HNRNPUL1: variants seen among roughly 807,000 people sequenced by gnomAD.
HNRNPUL1 encodes heterogeneous nuclear ribonucleoprotein U like 1.
Under a neutral mutation model 108.5 loss-of-function variants are expected in HNRNPUL1, and 14 were observed. The observed-to-expected ratio is 0.13, with a 90% CI of 0.09 to 0.20. HNRNPUL1 has a LOEUF of 0.20. Among genes scored for constraint, HNRNPUL1 ranks in the 10% least tolerant of loss-of-function variants. HNRNPUL1 has a pLI of 1.00. For synonymous variants in HNRNPUL1, 422 were observed against 445.2 expected (o/e 0.95, Z 0.66); for missense variants, 804 against 1,168.3 (o/e 0.69, Z 4.55).
At chr19:41,286,034 C>G (rs2036202594) in intron 7 of HNRNPUL1, among the ~76,000 whole-genome samples, 1 of 151,826 alleles carries the variant, frequency 6.6e-6, no homozygotes, top group Admixed American at 6.6e-5. Context: ...TTAGCTGGGC[C>G]TGGTGGCACA....
chr19:41,266,541 C>T (rs1053181493), intron 1 of HNRNPUL1, among the ~76,000 whole-genome samples: 2 of 152,096 alleles, frequency 1.3e-5, no homozygotes, highest in African/African-American at 2.4e-5. Flanking sequence ...GATCTCACCT[C>T]GGCCTCCTGA....
In HNRNPUL1 at chr19:41,264,396, A is replaced by C. The variant is rs1843998759; in HGVS notation, c.-108A>C. ...CATTTTGAGCCGCTGCCGCCATTGG[A>C]GTGGGCCCCCCCCCTTTCCCCCTTC... On this transcript the variant is annotated 5_prime_UTR_variant, in exon 1 of 15. Coordinates refer to ENST00000392006, the MANE Select transcript of HNRNPUL1 (RefSeq NM_007040.6). 6 of 968,354 alleles carry C rather than the reference A, an allele frequency of 6.2e-6. No homozygotes were observed. The highest frequency in any genetic ancestry group is 8.2e-6 in the Non-Finnish European group (6 of 734,146). The allele number at this position is 968,354 out of a possible 1,614,324, so 60.0% of individuals were successfully genotyped here.
chr19:41,280,048 A>G (rs549094130), intron 6 of HNRNPUL1, among the ~76,000 whole-genome samples: 62 of 152,304 alleles, frequency 4.1e-4, no homozygotes, highest in Non-Finnish European at 6.9e-4. Flanking sequence ...ACTTATTGCA[A>G]ATTTTTGCTG....
chr19:41,301,610 T>C lies in HNRNPUL1; in HGVS notation c.1593T>C (p.Ile531=). 6.2e-7 allele frequency: 1 copy of C among 1,614,188 alleles called. No individual in the cohort carries two copies. Among genetic ancestry groups the C allele is most frequent in the Non-Finnish European group, 8.5e-7 (1 of 1,180,030 alleles). ...FEGFQRKAIV[I]CPTDEDLKDR... ...GCTTCCAGCGCAAAGCTATTGTAAT[T>C]TGTCCCACTGACGAGGACCTAAAAG... Residue 531 remains isoleucine, a synonymous_variant, in exon 11 of 15, where the codon ATT becomes ATC. Transcript: ENST00000392006.
intron 3 of HNRNPUL1, 37 bp downstream of exon 3, chr19:41,272,272 A>G (rs2122510717): frequency 6.2e-7 from 1 of 1,602,246 alleles, no homozygotes; most frequent in East Asian, 2.2e-5. Context: ...TTGCTCTGGT[A>G]GGTTTCTATA....
intron 1 of HNRNPUL1, chr19:41,265,240 A>G: frequency 6.7e-7 from 1 of 1,496,564 alleles, no homozygotes; most frequent in Non-Finnish European, 8.9e-7. Context: ...CCGTGTTTCC[A>G]GGGTGGGGAA....
chr19:41,286,811 G>A (rs905245522), intron 7 of HNRNPUL1: 2 of 140,760 alleles, frequency 1.4e-5, no homozygotes, highest in African/African-American at 5.4e-5. Flanking sequence ...CCGCCTCCCC[G>A]GGTTCAAACG....
upstream of HNRNPUL1, among the ~76,000 whole-genome samples, chr19:41,264,158 G>A (rs1180455356): frequency 6.6e-6 from 1 of 152,258 alleles, no homozygotes; most frequent in Non-Finnish European, 1.5e-5. Flanking sequence ...TCCGCCTCCT[G>A]CCTTTTCCCG....
chr19:41,269,058 ATG>A (rs2035043602), intron 2 of HNRNPUL1, among the ~76,000 whole-genome samples: 1 of 152,082 alleles, frequency 6.6e-6, no homozygotes, highest in Non-Finnish European at 1.5e-5. Context: ...CCTTAGCCAA[ATG>A]TGTCTGGAAA....
At chr19:41,304,583 C>G (rs572347877) in intron 13 of HNRNPUL1, among the ~76,000 whole-genome samples, 38 of 152,358 alleles carry the variant, frequency 2.5e-4, no homozygotes, top group African/African-American at 8.9e-4. Context: ...ACTAACCTCA[C>G]TAAATCCCCA....
At chr19:41,278,225 A>G (rs1479839495) in intron 5 of HNRNPUL1, 4 of 151,788 alleles carry the variant, frequency 2.6e-5, no homozygotes, top group Middle Eastern at 3.4e-3. Flanking sequence ...ACGCATGCCT[A>G]ATTTTTTGTA....
chr19:41,281,565 C>T (rs1362692821), intron 7 of HNRNPUL1, among the ~76,000 whole-genome samples: 2 of 152,060 alleles, frequency 1.3e-5, no homozygotes, highest in Non-Finnish European at 2.9e-5. Context: ...ATTTTCTAAA[C>T]AAACCTAGGA....
At chr19:41,303,178 A>G (rs895522133) in intron 12 of HNRNPUL1, among the ~76,000 whole-genome samples, 1 of 152,238 alleles carries the variant, frequency 6.6e-6, no homozygotes, top group Non-Finnish European at 1.5e-5. Flanking sequence ...CACAGTGCAC[A>G]TTCTGTCACA....
intron 2 of HNRNPUL1, among the ~76,000 whole-genome samples, chr19:41,270,418 T>G (rs575234412): frequency 5.9e-5 from 9 of 152,046 alleles, no homozygotes; most frequent in Non-Finnish European, 1.0e-4. Flanking sequence ...ATTTTTTTTT[T>G]AATTAAATTT....
chr19:41,268,144 C>CA (rs2034970313), intron 1 of HNRNPUL1, 79 bp from the exon 2 acceptor site: 1 of 1,432,808 alleles, frequency 7.0e-7, no homozygotes, highest in African/African-American at 1.4e-5. Context: ...CCTGGACCTG[C>CA]AGATGCCTTC....
intron 7 of HNRNPUL1, among the ~76,000 whole-genome samples, chr19:41,284,133 C>T (rs1177855572): frequency 6.6e-6 from 1 of 152,074 alleles, no homozygotes; most frequent in African/African-American, 2.4e-5. Context: ...GGGATCCATA[C>T]GAAGTTCCAC....
At chr19:41,303,643 C>T (rs780218872) in intron 12 of HNRNPUL1, among the ~76,000 whole-genome samples, 14 of 152,104 alleles carry the variant, frequency 9.2e-5, no homozygotes, top group African/African-American at 2.9e-4. Context: ...TGTGAGCCAC[C>T]GCACCCTGCC....
At chr19:41,303,715 C>G (rs763777906) in intron 12 of HNRNPUL1, among the ~76,000 whole-genome samples, 15 of 152,194 alleles carry the variant, frequency 9.9e-5, no homozygotes, top group Non-Finnish European at 2.1e-4. Context: ...TGCTGGGACA[C>G]AGAAACCCAG....
At chr19:41,300,430 A>C (rs1399926513) in intron 10 of HNRNPUL1, among the ~76,000 whole-genome samples, 2 of 152,012 alleles carry the variant, frequency 1.3e-5, no homozygotes, top group Admixed American at 1.3e-4. Flanking sequence ...GTTTAAATGC[A>C]GTTAAAAACT....
Sources: allele counts gnomAD v4.1 joint callset (sites outside exome capture counted in the v4.1 genomes callset), GRCh38; gene constraint gnomAD v4.1.1; transcripts MANE v1.5; gene names NCBI Gene and HGNC (gene_info 2026-07-23, HGNC 2026-07-21).